Variants in NLGN4Y observed in about 807,000 individuals in gnomAD.
NLGN4Y encodes the protein neuroligin 4 Y-linked, also known as neuroligin-4, Y-linked.
NLGN4Y carries 4 observed loss-of-function variants against 8.4 expected under a neutral mutation model. That is an observed-to-expected ratio of 0.48 (90% CI 0.23 to 1.09). The LOEUF (loss-of-function observed/expected upper bound fraction) is 1.09, where lower values mean the gene tolerates loss of function less well. Ranked by LOEUF, NLGN4Y falls within the 50% of genes least tolerant of loss-of-function variation. The probability of loss-of-function intolerance (pLI) is 0.19; values close to 1 mark genes in which losing one functional copy is unlikely to be tolerated. For synonymous variants in NLGN4Y, 35 were observed against 75.6 expected, an observed-to-expected ratio of 0.46 and a Z score of 2.78; for missense variants, 90 against 192.3, an observed-to-expected ratio of 0.47 and a Z score of 3.15.
intron 2 of NLGN4Y, among the ~76,000 whole-genome samples, chrY:14,703,136 G>C (rs2080861071): frequency 3.0e-5 from 1 of 32,888 alleles, no homozygotes; most frequent in Non-Finnish European, 7.5e-5. Context: ...ATGGTAGTTT[G>C]TTTTGCTGTG....
chrY:14,599,659 T>G, intron 1 of NLGN4Y, among the ~76,000 whole-genome samples: 1 of 33,162 alleles, frequency 3.0e-5, no homozygotes. Flanking sequence ...AGAGTCAGGC[T>G]TTGAATCATA....
At chrY:14,529,988 T>G (rs1603498910) in intron 1 of NLGN4Y, among the ~76,000 whole-genome samples, 1 of 25,854 alleles carries the variant, frequency 3.9e-5, no homozygotes, top group East Asian at 1.0e-3. Context: ...AACACATATA[T>G]GTACATATAT....
At position 14,572,879 on chromosome Y, in the gene NLGN4Y, C is replaced by T. The variant is rs1603500054; in HGVS notation, c.-112+48171C>T. On this transcript the variant is annotated intron_variant, in intron 1 of 6. Transcript: ENST00000684976. ...TCATATGATTTTTGTCATTGGTTCTCTTTATATGCTGTATTAGGTTTTTTG... is the reference window on the plus strand; with the variant it reads ...TCATATGATTTTTGTCATTGGTTCTTTTTATATGCTGTATTAGGTTTTTTG... Among the ~76,000 whole-genome samples, 4 of 33,436 alleles carry T rather than the reference C, an allele frequency of 1.2e-4. No homozygotes were observed. The East Asian group carries it at 3.2e-3, about 26-fold the overall frequency. 89.7% of individuals were successfully genotyped at this position (33,436 alleles called of 37,273 possible). A position where few individuals can be genotyped will look rare whatever the true frequency, so the allele number is the denominator to read the frequency against.
At chrY:14,618,617 C>A in intron 1 of NLGN4Y, among the ~76,000 whole-genome samples, 1 of 33,728 alleles carries the variant, frequency 3.0e-5, no homozygotes, top group Non-Finnish European at 7.4e-5. Flanking sequence ...TCTAAATGTA[C>A]CTACAGATAC....
At position 14,746,904 on chromosome Y, in the gene NLGN4Y, G is replaced by A. The variant is rs950058639; in HGVS notation, c.685+23635G>A. On this transcript the variant is annotated intron_variant, in intron 4 of 6. Transcript: ENST00000684976. ...TTTCAGTTTTTGCAGCCAGAGTTTG[G>A]TGATGTTTCTGGTATCTAATTGATA... Among the ~76,000 whole-genome samples, 4 of 32,076 alleles carry A rather than the reference G, an allele frequency of 1.2e-4. No individual in the cohort carries two copies. The South Asian group carries it at 2.9e-3, about 23-fold the overall frequency. The allele number at this position is 32,076 out of a possible 37,273, so 86.1% of individuals were successfully genotyped here. A position where few individuals can be genotyped will look rare whatever the true frequency, so the allele number is the denominator to read the frequency against.
intron 2 of NLGN4Y, among the ~76,000 whole-genome samples, chrY:14,715,781 A>ATT (rs2080913504): frequency 5.3e-4 from 17 of 32,307 alleles, no homozygotes; most frequent in Non-Finnish European, 7.6e-4. Context: ...TGAAAGTATA[A>ATT]TTTTTTTTTA....
chrY:14,560,911 T>C, intron 1 of NLGN4Y, among the ~76,000 whole-genome samples: 2 of 33,211 alleles, frequency 6.0e-5, no homozygotes, highest in African/African-American at 2.3e-4. Flanking sequence ...GAGATAAACT[T>C]TTGAGTTTCT....
chrY:14,589,482 C>T (rs1603500592), intron 1 of NLGN4Y, among the ~76,000 whole-genome samples: 7 of 31,944 alleles, frequency 2.2e-4, no homozygotes, highest in Non-Finnish European at 4.6e-4. Context: ...TACAGAGTGT[C>T]GACTGGTGCA....
At chrY:14,526,970 T>G (rs755222903) in intron 1 of NLGN4Y, among the ~76,000 whole-genome samples, 2 of 33,636 alleles carry the variant, frequency 5.9e-5, no homozygotes, top group Non-Finnish European at 7.4e-5. Flanking sequence ...TTTTTCATTT[T>G]TGTGTGTGTA....
Position 14,844,188 on chromosome Y carries a change from G to A in NLGN4Y, c.*2926G>A. The A allele has an allele frequency of 1.2e-5, 1 of 83,059 alleles. No individual in the cohort carries two copies. Among genetic ancestry groups the A allele is most frequent in the Admixed American group, 2.0e-4 (1 of 4,974 alleles). The allele number at this position is 83,059 out of a possible 400,897, so 20.7% of individuals were successfully genotyped here. A position where few individuals can be genotyped will look rare whatever the true frequency, so the allele number is the denominator to read the frequency against. On this transcript the variant is annotated 3_prime_UTR_variant, in exon 7 of 7. Transcript: ENST00000684976. ...GGAAAACCAAGCCCTGTTTGGTGAA[G>A]CTCCTGAGATGACACTGCCTGAAAA...
intron 1 of NLGN4Y, among the ~76,000 whole-genome samples, chrY:14,610,181 A>AT (rs2080461456): frequency 9.3e-5 from 3 of 32,415 alleles, no homozygotes; most frequent in South Asian, 6.8e-4. Context: ...TTCTTGAAGG[A>AT]TTTTTTTTAT....
chrY:14,553,601 TA>T (rs2080202111), intron 1 of NLGN4Y, among the ~76,000 whole-genome samples: 7 of 27,799 alleles, frequency 2.5e-4, no homozygotes, highest in Non-Finnish European at 5.0e-4. Context: ...TGTGTGTGTG[TA>T]AAAAATATAT....
chrY:14,587,912 C>T (rs2080346910), intron 1 of NLGN4Y, among the ~76,000 whole-genome samples: 1 of 33,384 alleles, frequency 3.0e-5, no homozygotes, highest in Admixed American at 2.7e-4. Flanking sequence ...TTGCAAATTC[C>T]CTTCTGCACA....
At chrY:14,544,297 T>C (rs2080161201) in intron 1 of NLGN4Y, among the ~76,000 whole-genome samples, 1 of 33,422 alleles carries the variant, frequency 3.0e-5, no homozygotes. Context: ...CTACAGCAAC[T>C]TGAAGGCAGC....
At chrY:14,691,404 GA>G (rs2150537243) in intron 2 of NLGN4Y, among the ~76,000 whole-genome samples, 1 of 33,191 alleles carries the variant, frequency 3.0e-5, no homozygotes, top group South Asian at 6.9e-4. Context: ...TCTAAATCAT[GA>G]ATGATTCATT....
chrY:14,650,343 T>C (rs2080625632), intron 2 of NLGN4Y, among the ~76,000 whole-genome samples: 3 of 33,339 alleles, frequency 9.0e-5, no homozygotes, highest in Admixed American at 5.5e-4. Context: ...AACTCACCAC[T>C]CTGAGTTTTA....
chrY:14,764,987 A>ACTT (rs2081089623), intron 4 of NLGN4Y, among the ~76,000 whole-genome samples: 1 of 34,253 alleles, frequency 2.9e-5, no homozygotes, highest in Non-Finnish European at 7.3e-5. Context: ...TACATGTTTT[A>ACTT]CTTTATATTT....
intron 4 of NLGN4Y, among the ~76,000 whole-genome samples, chrY:14,796,967 T>G (rs2150582037): frequency 3.0e-5 from 1 of 33,664 alleles, no homozygotes; most frequent in East Asian, 7.7e-4. Context: ...ATTGGTTGCA[T>G]TTTTCATCTT....
At chrY:14,757,424 A>T in intron 4 of NLGN4Y, among the ~76,000 whole-genome samples, 2 of 32,663 alleles carry the variant, frequency 6.1e-5, no homozygotes, top group East Asian at 1.6e-3. Flanking sequence ...TAAAGTCTGC[A>T]TCTGTTTTTC....
Sources: gnomAD v4.1 joint callset for allele counts (sites outside exome capture counted in the v4.1 genomes callset) on GRCh38, gnomAD v4.1.1 for gene constraint, MANE v1.5 for transcripts, NCBI Gene and HGNC (gene_info 2026-07-23, HGNC 2026-07-21) for gene names.